The following NBAS variants were observed in gnomAD, a reference collection of about 807,000 sequenced individuals.
NBAS encodes the protein NAG/BC035112 fusion.
Under a neutral mutation model 302.5 loss-of-function variants are expected in NBAS, and 219 were observed. The observed-to-expected ratio is 0.72, with a 90% confidence interval of 0.65 to 0.81. The LOEUF (loss-of-function observed/expected upper bound fraction) is 0.81. Ranked by LOEUF, NBAS falls within the 30% of genes least tolerant of loss-of-function variation. The pLI is 0.00. For missense variants in NBAS, 2,932 were observed against 2,841.6 expected, an observed-to-expected ratio of 1.03 and a Z score of -0.72; for synonymous variants, 1,118 against 1,021.6, an observed-to-expected ratio of 1.09 and a Z score of -1.80.
At chr2:15,017,560 A>C in the NBAS span, among the ~76,000 whole-genome samples, 1 of 152,098 alleles carries the variant, frequency 6.6e-6, no homozygotes, top group Admixed American at 6.5e-5. Flanking sequence ...ATATTTTATA[A>C]TGATTAAGAA....
At chr2:15,493,063 T>C (rs1054284494) in intron 11 of NBAS, among the ~76,000 whole-genome samples, 1 of 152,188 alleles carries the variant, frequency 6.6e-6, no homozygotes, top group African/African-American at 2.4e-5. Context: ...GCTGTTCTCA[T>C]GCTAGTGAGT....
chr2:15,273,767 C>A (rs867767691), intron 44 of NBAS, among the ~76,000 whole-genome samples: 2 of 152,060 alleles, frequency 1.3e-5, no homozygotes, highest in Admixed American at 6.6e-5. Context: ...ATACATTATG[C>A]TCTTGTCTTT....
intron 9 of NBAS, among the ~76,000 whole-genome samples, chr2:15,527,099 GAA>G (rs55822372): frequency 0.12 from 16,002 of 137,456 alleles, 1,358 homozygotes; most frequent in African/African-American, 0.24. Context: ...AGGGACAAGA[GAA>G]AAAAAAAAAA....
chr2:15,068,359 G>A, the NBAS span, among the ~76,000 whole-genome samples: 2 of 152,154 alleles, frequency 1.3e-5, no homozygotes, highest in East Asian at 1.9e-4. Context: ...GGCATCCAAC[G>A]TAGGAAGGAG....
chr2:15,061,570 A>G, the NBAS span, among the ~76,000 whole-genome samples: 1 of 152,228 alleles, frequency 6.6e-6, no homozygotes, highest in African/African-American at 2.4e-5. Context: ...CACAGGGCAC[A>G]TACATGGTGG....
At chr2:15,100,936 A>C in the NBAS span, among the ~76,000 whole-genome samples, 24 of 152,340 alleles carry the variant, frequency 1.6e-4, 1 homozygote, top group African/African-American at 5.8e-4. Context: ...TTTGCTTAAA[A>C]ATGGAAAAAT....
the NBAS span, among the ~76,000 whole-genome samples, chr2:15,033,561 C>T: frequency 1.3e-5 from 2 of 152,106 alleles, no homozygotes; most frequent in African/African-American, 2.4e-5. Flanking sequence ...CAAAAAAATG[C>T]ATATGTTGAA....
intron 46 of NBAS, among the ~76,000 whole-genome samples, chr2:15,233,338 T>C (rs1003140968): frequency 6.6e-6 from 1 of 152,212 alleles, no homozygotes; most frequent in Admixed American, 6.5e-5. Flanking sequence ...AGTGGTAGAA[T>C]TGGATGCAGA....
At chr2:15,214,901 G>A (rs1000972510) in intron 48 of NBAS, among the ~76,000 whole-genome samples, 1 of 152,100 alleles carries the variant, frequency 6.6e-6, no homozygotes, top group Non-Finnish European at 1.5e-5. Context: ...TTTGGTGATC[G>A]CCTACAACCA....
At chr2:14,924,768 C>G in the NBAS span, among the ~76,000 whole-genome samples, 6 of 152,178 alleles carry the variant, frequency 3.9e-5, no homozygotes, top group African/African-American at 1.2e-4. Flanking sequence ...CTTCATTTTT[C>G]TGTAGCTCTG....
chr2:15,399,473 C>T (rs935325728), intron 26 of NBAS, among the ~76,000 whole-genome samples: 1 of 152,110 alleles, frequency 6.6e-6, no homozygotes. Context: ...GTTTACCTGC[C>T]TTTGGCTGCC....
chr2:15,452,422 C>T (rs1235875722), intron 21 of NBAS, among the ~76,000 whole-genome samples: 2 of 104,472 alleles, frequency 1.9e-5, no homozygotes, highest in South Asian at 2.8e-4. Flanking sequence ...GGTGAAACCC[C>T]GTCTCTACTA....
chr2:15,430,372 T>C (rs761220800), intron 21 of NBAS, among the ~76,000 whole-genome samples: 3 of 152,164 alleles, frequency 2.0e-5, no homozygotes, highest in Non-Finnish European at 4.4e-5. Flanking sequence ...ATGATGATGA[T>C]GACAATGATG....
the NBAS span, among the ~76,000 whole-genome samples, chr2:14,872,451 C>G: frequency 6.6e-6 from 1 of 152,076 alleles, no homozygotes; most frequent in Non-Finnish European, 1.5e-5. Context: ...CTCCTGGGTT[C>G]CAGTGATTCT....
chr2:14,831,745 AC>A, the NBAS span, among the ~76,000 whole-genome samples: 2 of 152,130 alleles, frequency 1.3e-5, no homozygotes, highest in Non-Finnish European at 2.9e-5. Context: ...CAGTCACTTC[AC>A]TTCTCTTAAC....
At chr2:14,945,532 C>A in the NBAS span, among the ~76,000 whole-genome samples, 1 of 151,986 alleles carries the variant, frequency 6.6e-6, no homozygotes, top group Non-Finnish European at 1.5e-5. Context: ...TCAGTGATTT[C>A]CAAGACAACA....
In NBAS at chr2:15,511,269, A is replaced by T. The variant is rs1426097099; in HGVS notation, c.828T>A (p.Val276=). 6.2e-7 allele frequency: 1 copy of T among 1,614,102 alleles called. No homozygotes were observed. The highest frequency in any genetic ancestry group is 8.5e-7 in the Non-Finnish European group (1 of 1,179,986). Residue 276 remains valine, a synonymous_variant, in exon 10 of 52, where the codon GTT becomes GTA. Coordinates refer to ENST00000281513, the MANE Select transcript of NBAS (RefSeq NM_015909.4). ...GCTTATAATACGGTGATCCTGAAAG[A>T]ACTCTCCAGGCAGAAAGGCCACAGC... ...ASSCGLSAWR[V]LSGSPYYKQV...
chr2:15,196,693 G>T (rs531141121), intron 48 of NBAS, among the ~76,000 whole-genome samples: 1 of 152,240 alleles, frequency 6.6e-6, no homozygotes, highest in South Asian at 2.1e-4. Context: ...GCATGCAGCA[G>T]AAAAATGGCT....
chr2:15,425,364 C>G (rs181148735), intron 22 of NBAS, among the ~76,000 whole-genome samples: 5 of 152,144 alleles, frequency 3.3e-5, no homozygotes, highest in African/African-American at 9.7e-5. Context: ...CCTGCAAATT[C>G]CTTAACTAAA....
Sources: allele counts gnomAD v4.1 joint callset (sites outside exome capture counted in the v4.1 genomes callset), GRCh38; gene constraint gnomAD v4.1.1; transcripts MANE v1.5; gene names NCBI Gene and HGNC (gene_info 2026-07-23, HGNC 2026-07-21).